The following SNAPC1 variants were observed in gnomAD, a reference collection of about 807,000 sequenced individuals.
SNAPC1 encodes snRNA-activating protein complex subunit 1.
A neutral mutation model predicts 50.1 loss-of-function variants in SNAPC1; 42 were observed. The ratio of observed to expected loss-of-function variants is 0.84; its 90% confidence interval spans 0.65 to 1.08. The LOEUF (loss-of-function observed/expected upper bound fraction) is 1.08. SNAPC1 is among the 50% of genes least tolerant of loss of function. The pLI, the probability that SNAPC1 is intolerant of heterozygous loss-of-function variation, is 0.00. For synonymous variants in SNAPC1, 164 were observed against 144.2 expected (o/e 1.14, Z -0.98); for missense variants, 477 against 427.3 (o/e 1.12, Z -1.02).
At chr14:61,778,984 A>G in intron 7 of SNAPC1, 74 bp downstream of exon 7, 1 of 827,072 alleles carries the variant, frequency 1.2e-6, no homozygotes, top group South Asian at 1.6e-5. Context: ...TCATCAAAGT[A>G]GTAATACATG....
At chr14:61,783,359 GT>G (rs1436248732) in intron 8 of SNAPC1, among the ~76,000 whole-genome samples, 1 of 151,670 alleles carries the variant, frequency 6.6e-6, no homozygotes, top group East Asian at 1.9e-4. Flanking sequence ...AGTAATTTTT[GT>G]GTGCGAATCA....
chr14:61,780,647 T>C (rs2045065079), intron 7 of SNAPC1, among the ~76,000 whole-genome samples: 2 of 152,252 alleles, frequency 1.3e-5, no homozygotes, highest in Admixed American at 1.3e-4. Context: ...CTGTTTACTC[T>C]GTTGTTTCTT....
chr14:61,780,216 G>C (rs962922502), intron 7 of SNAPC1, among the ~76,000 whole-genome samples: 1 of 152,134 alleles, frequency 6.6e-6, no homozygotes, highest in African/African-American at 2.4e-5. Context: ...CCTACAGAGA[G>C]AATCAGCCAC....
At chr14:61,780,521 C>T (rs533542646) in intron 7 of SNAPC1, among the ~76,000 whole-genome samples, 1 of 152,100 alleles carries the variant, frequency 6.6e-6, no homozygotes, top group Non-Finnish European at 1.5e-5. Flanking sequence ...GCCCTTTGCC[C>T]GTTTTTTAAC....
chr14:61,772,388 G>A (rs2044997908), intron 4 of SNAPC1, among the ~76,000 whole-genome samples: 1 of 152,200 alleles, frequency 6.6e-6, no homozygotes. Flanking sequence ...GGGATTACAG[G>A]CACGTGCCAC....
chr14:61,794,964 A>G lies in SNAPC1; in HGVS notation c.1088A>G (p.Lys363Arg). 1 of 1,582,786 alleles carries G rather than the reference A, an allele frequency of 6.3e-7. No homozygotes were observed. Among genetic ancestry groups the G allele is most frequent in the Non-Finnish European group, 8.6e-7 (1 of 1,167,148 alleles). The part of the protein sequence containing the change: ...SLSGTEFTAS[K>R]KRRKH ...ATGTCTTTAGAGTTCACTGCATCCA[A>G]GAAGAGGAGAAAACACTGAACAAAG... Residue 363 changes from lysine to arginine, a missense_variant, in exon 10 of 10, where the codon AAG (lysine) becomes AGG (arginine). Transcript: ENST00000216294.
chr14:61,780,417 A>G (rs2045063545), intron 7 of SNAPC1, among the ~76,000 whole-genome samples: 2 of 151,974 alleles, frequency 1.3e-5, no homozygotes, highest in African/African-American at 4.8e-5. Flanking sequence ...ATGAGACACT[A>G]TTCTCTATAG....
At chr14:61,770,470 C>T (rs1003560016) in intron 4 of SNAPC1, among the ~76,000 whole-genome samples, 2 of 151,966 alleles carry the variant, frequency 1.3e-5, no homozygotes, top group Non-Finnish European at 2.9e-5. Context: ...TCTTGAACTC[C>T]TGGCCTCAAG....
intron 1 of SNAPC1, among the ~76,000 whole-genome samples, chr14:61,766,503 A>T (rs1201199934): frequency 6.6e-6 from 1 of 152,246 alleles, no homozygotes; most frequent in Non-Finnish European, 1.5e-5. Flanking sequence ...CGTTCAAGTG[A>T]TACTTCTTTA....
rs767057157 is a variant in SNAPC1, at chr14:61,776,311, G to C, written c.693+58G>C. 110 of 1,467,764 alleles carry C rather than the reference G, an allele frequency of 7.5e-5. No homozygotes were observed. The Middle Eastern group carries it at 1.7e-3, about 23-fold the overall frequency. The allele number at this position is 1,467,764 out of a possible 1,614,324, so 90.9% of individuals were successfully genotyped here. A position where few individuals can be genotyped will look rare whatever the true frequency, so the allele number is the denominator to read the frequency against. On this transcript the variant is annotated intron_variant, in intron 5 of 9. Transcript: ENST00000216294. ...GTATTTTACACGAATGTTTATCCGTGGATGATAATGTTGGGAGGCAGCCTA... is the reference window on the plus strand; with the variant it reads ...GTATTTTACACGAATGTTTATCCGTCGATGATAATGTTGGGAGGCAGCCTA...
intron 2 of SNAPC1, 46 bp from the exon 3 acceptor site, chr14:61,767,166 A>G: frequency 7.5e-7 from 1 of 1,335,066 alleles, no homozygotes; most frequent in Non-Finnish European, 9.8e-7. Flanking sequence ...ATGTTTGTGA[A>G]AAAATATTTA....
chr14:61,791,072 C>T (rs530558946), intron 8 of SNAPC1, among the ~76,000 whole-genome samples: 3 of 152,098 alleles, frequency 2.0e-5, no homozygotes, highest in Non-Finnish European at 2.9e-5. Flanking sequence ...AGTGCAGTGG[C>T]GCGATCTCGG....
chr14:61,785,659 G>A (rs1566592605), intron 8 of SNAPC1, among the ~76,000 whole-genome samples: 1 of 152,194 alleles, frequency 6.6e-6, no homozygotes, highest in African/African-American at 2.4e-5. Context: ...TGTGTAAGTC[G>A]TACATTGGTT....
intron 8 of SNAPC1, among the ~76,000 whole-genome samples, chr14:61,784,602 G>A (rs2045101436): frequency 6.6e-6 from 1 of 152,214 alleles, no homozygotes; most frequent in Non-Finnish European, 1.5e-5. Flanking sequence ...AGTAGCTATA[G>A]ATAATACCAA....
At chr14:61,786,761 G>C (rs1016770730) in intron 8 of SNAPC1, among the ~76,000 whole-genome samples, 2 of 152,226 alleles carry the variant, frequency 1.3e-5, no homozygotes, top group South Asian at 4.1e-4. Flanking sequence ...AGGTAAACGT[G>C]TACTTACCAT....
chr14:61,768,828 C>T (rs1162961602), intron 4 of SNAPC1, 88 bp downstream of exon 4: 1 of 650,580 alleles, frequency 1.5e-6, no homozygotes, highest in African/African-American at 1.8e-5. Flanking sequence ...CTACTGGATA[C>T]TGATTTTTCT....
At chr14:61,766,711 C>T (rs1457898190) in intron 1 of SNAPC1, among the ~76,000 whole-genome samples, 165 bp from the exon 2 acceptor site, 3 of 152,144 alleles carry the variant, frequency 2.0e-5, no homozygotes, top group East Asian at 3.8e-4. Flanking sequence ...TAGTAGTTGC[C>T]TTTGCCTTGG....
intron 8 of SNAPC1, among the ~76,000 whole-genome samples, chr14:61,790,786 T>G (rs2045146728): frequency 6.6e-6 from 1 of 152,180 alleles, no homozygotes; most frequent in Non-Finnish European, 1.5e-5. Context: ...TCACTGGAGG[T>G]GTGGATCTGG....
At chr14:61,786,147 A>G (rs568137576) in intron 8 of SNAPC1, among the ~76,000 whole-genome samples, 4 of 152,232 alleles carry the variant, frequency 2.6e-5, no homozygotes, top group Non-Finnish European at 5.9e-5. Flanking sequence ...AAAAAAATTC[A>G]AAATGGATTA....
Sources: gnomAD v4.1 joint callset for allele counts (sites outside exome capture counted in the v4.1 genomes callset) on GRCh38, gnomAD v4.1.1 for gene constraint, MANE v1.5 for transcripts, NCBI Gene and HGNC (gene_info 2026-07-23, HGNC 2026-07-21) for gene names.